The following CAMKMT variants were observed in gnomAD, a reference collection of about 807,000 sequenced individuals.
The protein encoded by CAMKMT is calmodulin-lysine N-methyltransferase.
In CAMKMT, 53 loss-of-function variants were observed where a neutral mutation model predicts 48.0. That is an observed-to-expected ratio of 1.10 (90% CI 0.89 to 1.39). CAMKMT has a LOEUF of 1.39. Ranked by LOEUF, CAMKMT falls within the 40% of genes most tolerant of loss-of-function variation. The probability of loss-of-function intolerance (pLI) is 0.00; values close to 1 mark genes in which losing one functional copy is unlikely to be tolerated. For synonymous variants in CAMKMT, 165 were observed against 152.3 expected, an observed-to-expected ratio of 1.08 and a Z score of -0.61; for missense variants, 428 against 402.7, an observed-to-expected ratio of 1.06 and a Z score of -0.54.
chr2:44,724,544 G>C (rs538109933), intron 7 of CAMKMT, among the ~76,000 whole-genome samples: 3 of 152,120 alleles, frequency 2.0e-5, no homozygotes, highest in African/African-American at 7.2e-5. Flanking sequence ...AGCATGCTTC[G>C]AGAAGCCCAT....
chr2:44,636,181 C>T (rs1422294725), intron 3 of CAMKMT, among the ~76,000 whole-genome samples: 1 of 152,036 alleles, frequency 6.6e-6, no homozygotes, highest in African/African-American at 2.4e-5. Context: ...GCACACTATC[C>T]AAAAAGCTGG....
intron 3 of CAMKMT, among the ~76,000 whole-genome samples, chr2:44,437,613 T>C (rs11897881): frequency 0.14 from 20,980 of 152,098 alleles, 2,418 homozygotes; most frequent in African/African-American, 0.32. Flanking sequence ...TTTGGGAGGC[T>C]GAGGTGGTTG....
At chr2:44,389,265 C>A (rs1009137881) in intron 2 of CAMKMT, among the ~76,000 whole-genome samples, 5 of 152,048 alleles carry the variant, frequency 3.3e-5, no homozygotes. Context: ...AGGGCCCACC[C>A]TAATGACCCT....
chr2:44,632,731 G>A (rs1364603181), intron 3 of CAMKMT, among the ~76,000 whole-genome samples: 1 of 152,118 alleles, frequency 6.6e-6, no homozygotes, highest in Non-Finnish European at 1.5e-5. Flanking sequence ...TTTAATCTGG[G>A]CCGGCACCAT....
At chr2:44,448,114 A>G (rs1667102077) in intron 3 of CAMKMT, among the ~76,000 whole-genome samples, 1 of 152,166 alleles carries the variant, frequency 6.6e-6, no homozygotes, top group South Asian at 2.1e-4. Context: ...GTCCCTTGGT[A>G]CATGTGGGGA....
intron 10 of CAMKMT, among the ~76,000 whole-genome samples, chr2:44,767,757 C>G (rs994908411): frequency 6.6e-6 from 1 of 152,086 alleles, no homozygotes; most frequent in African/African-American, 2.4e-5. Context: ...AAAAGCGGGT[C>G]TTTACCTGGT....
chr2:44,465,224 C>G (rs924287753), intron 3 of CAMKMT, among the ~76,000 whole-genome samples: 2 of 151,750 alleles, frequency 1.3e-5, no homozygotes, highest in African/African-American at 4.8e-5. Flanking sequence ...TTATGTAATC[C>G]TCATAGTAAC....
In CAMKMT at chr2:44,707,395, T is replaced by A; in HGVS notation, c.493-4T>A. On this transcript the variant is annotated splice_region_variant and splice_polypyrimidine_tract_variant and intron_variant, in intron 5 of 10. Coordinates refer to ENST00000378494, the MANE Select transcript of CAMKMT (RefSeq NM_024766.5). Reference sequence around the variant, plus strand: ...TGTTTGCTGTGCTCCCTTTTTTTTTTCAGGTTGCTATTTCTGCAGATGTCA... The same window carrying A: ...TGTTTGCTGTGCTCCCTTTTTTTTTACAGGTTGCTATTTCTGCAGATGTCA... The A allele has an allele frequency of 6.2e-7, 1 of 1,611,940 alleles. No homozygotes were observed. Among genetic ancestry groups the A allele is most frequent in the Non-Finnish European group, 8.5e-7 (1 of 1,178,950 alleles).
At chr2:44,654,037 G>A (rs1253235329) in intron 3 of CAMKMT, among the ~76,000 whole-genome samples, 1 of 152,198 alleles carries the variant, frequency 6.6e-6, no homozygotes, top group Non-Finnish European at 1.5e-5. Context: ...TCAGCCATGA[G>A]TTACAATGAA....
intron 3 of CAMKMT, among the ~76,000 whole-genome samples, chr2:44,619,809 T>C (rs937323470): frequency 3.3e-5 from 5 of 152,222 alleles, no homozygotes; most frequent in Admixed American, 3.3e-4. Flanking sequence ...TTCATACCTA[T>C]ACAATGCTGT....
chr2:44,619,758 G>A (rs1572932433), intron 3 of CAMKMT, among the ~76,000 whole-genome samples: 1 of 152,156 alleles, frequency 6.6e-6, no homozygotes, highest in East Asian at 1.9e-4. Flanking sequence ...CATTCTTGGT[G>A]TATGCACTTA....
At chr2:44,656,917 G>A (rs980804750) in intron 3 of CAMKMT, among the ~76,000 whole-genome samples, 15 of 152,156 alleles carry the variant, frequency 9.9e-5, no homozygotes, top group Non-Finnish European at 1.9e-4. Context: ...ACTGCAAGCA[G>A]GAAGATAAGC....
chr2:44,682,062 A>G (rs1051363876), intron 3 of CAMKMT, among the ~76,000 whole-genome samples: 1 of 152,224 alleles, frequency 6.6e-6, no homozygotes, highest in Non-Finnish European at 1.5e-5. Context: ...TTAAAAGTCC[A>G]AAGATGGGGT....
intron 3 of CAMKMT, among the ~76,000 whole-genome samples, chr2:44,695,514 C>T (rs912350293): frequency 3.3e-5 from 5 of 152,168 alleles, no homozygotes; most frequent in African/African-American, 1.2e-4. Flanking sequence ...AAGAATATGT[C>T]TTGGATTCCA....
At chr2:44,616,444 AC>A (rs1671892462) in intron 3 of CAMKMT, among the ~76,000 whole-genome samples, 1 of 152,056 alleles carries the variant, frequency 6.6e-6, no homozygotes, top group Non-Finnish European at 1.5e-5. Context: ...TCCAAAACCC[AC>A]ATTTTTTTTT....
chr2:44,454,996 G>A (rs1249401457), intron 3 of CAMKMT, among the ~76,000 whole-genome samples: 1 of 152,102 alleles, frequency 6.6e-6, no homozygotes, highest in Non-Finnish European at 1.5e-5. Context: ...TTTACCCATG[G>A]ATAGAGGACG....
At chr2:44,439,006 C>T (rs1257045566) in intron 3 of CAMKMT, among the ~76,000 whole-genome samples, 2 of 152,184 alleles carry the variant, frequency 1.3e-5, no homozygotes, top group African/African-American at 2.4e-5. Context: ...TTACTCACCA[C>T]ATTGTTTCAT....
intron 3 of CAMKMT, among the ~76,000 whole-genome samples, chr2:44,423,583 G>C (rs556560451): frequency 6.6e-6 from 1 of 152,218 alleles, no homozygotes; most frequent in South Asian, 2.1e-4. Flanking sequence ...ATAATTCTGT[G>C]AGCCTAGTTA....
intron 3 of CAMKMT, among the ~76,000 whole-genome samples, chr2:44,463,373 T>G (rs1365539922): frequency 6.6e-6 from 1 of 152,190 alleles, no homozygotes; most frequent in East Asian, 1.9e-4. Flanking sequence ...TTGAAAGAGA[T>G]AAGACAAGTA....
Sources: gnomAD v4.1 joint callset for allele counts (sites outside exome capture counted in the v4.1 genomes callset) on GRCh38, gnomAD v4.1.1 for gene constraint, MANE v1.5 for transcripts, NCBI Gene and HGNC (gene_info 2026-07-23, HGNC 2026-07-21) for gene names.